USP25: variants seen among roughly 807,000 people sequenced by gnomAD.
The protein encoded by USP25 is ubiquitin specific peptidase 25.
Under a neutral mutation model 158.5 loss-of-function variants are expected in USP25, and 85 were observed. The ratio of observed to expected loss-of-function variants is 0.54; its 90% CI spans 0.45 to 0.64. The LOEUF (loss-of-function observed/expected upper bound fraction) is 0.64. Ranked by LOEUF, USP25 falls within the 30% of genes least tolerant of loss-of-function variation. The pLI, the probability that USP25 is intolerant of heterozygous loss-of-function variation, is 0.00. For synonymous variants in USP25, 464 were observed against 460.4 expected (o/e 1.01, Z -0.10); for missense variants, 1,242 against 1,327.3 (o/e 0.94, Z 1.00).
intron 23 of USP25, 46 bp downstream of exon 23, chr21:15,870,193 TAATTC>T (rs2039826958): frequency 1.4e-6 from 2 of 1,414,922 alleles, no homozygotes; most frequent in East Asian, 4.6e-5. Flanking sequence ...TTTTTGCACT[TAATTC>T]TATTCAGGTG....
At chr21:15,858,322 G>A (rs778911638) in intron 20 of USP25, among the ~76,000 whole-genome samples, 8 of 151,688 alleles carry the variant, frequency 5.3e-5, no homozygotes, top group African/African-American at 9.7e-5. Context: ...AACATGATAC[G>A]CCTTTTCACT....
At chr21:15,817,672 G>T (rs907208400) in intron 9 of USP25, among the ~76,000 whole-genome samples, 1 of 152,142 alleles carries the variant, frequency 6.6e-6, no homozygotes, top group East Asian at 1.9e-4. Context: ...GTCTCACTTG[G>T]TGGCAGACAA....
intron 20 of USP25, among the ~76,000 whole-genome samples, 192 bp from the exon 21 acceptor site, chr21:15,864,076 G>T (rs1368092898): frequency 7.4e-6 from 1 of 134,522 alleles, no homozygotes; most frequent in Non-Finnish European, 1.6e-5. Context: ...TTTGTGGTCA[G>T]TTATTCAGAA....
intron 23 of USP25, among the ~76,000 whole-genome samples, chr21:15,870,654 G>C (rs2039847641): frequency 6.6e-6 from 1 of 152,076 alleles, no homozygotes; most frequent in South Asian, 2.1e-4. Flanking sequence ...TTACATTTTA[G>C]GTTATTTACT....
chr21:15,798,120 C>T (rs2035951252), intron 5 of USP25, among the ~76,000 whole-genome samples: 1 of 151,270 alleles, frequency 6.6e-6, no homozygotes, highest in Non-Finnish European at 1.5e-5. Context: ...TGTTCTTCCT[C>T]TACCACTCCA....
Position 15,746,797 on chromosome 21 carries a change from A to T in USP25, c.46-16094A>T, listed in dbSNP as rs552970218. Among the ~76,000 whole-genome samples the T allele has an allele frequency of 7.9e-5, 12 of 152,262 alleles. No homozygotes were observed. The East Asian group carries it at 1.5e-3, about 20-fold the overall frequency. On this transcript the variant is annotated intron_variant, in intron 1 of 25. Coordinates refer to ENST00000400183, the MANE Select transcript of USP25 (RefSeq NM_001283041.3). ...ATCTGCGACTTTGCGAAATTCACTT[A>T]TTCTAATAAATGTATTTACCACTTT...
At chr21:15,788,589 G>A (rs997689063) in intron 4 of USP25, among the ~76,000 whole-genome samples, 3 of 152,074 alleles carry the variant, frequency 2.0e-5, no homozygotes. Context: ...AAGTTCTTTA[G>A]GAACCAAGAG....
chr21:15,748,569 G>T (rs529124276), intron 1 of USP25, among the ~76,000 whole-genome samples: 1 of 149,034 alleles, frequency 6.7e-6, no homozygotes, highest in Admixed American at 6.8e-5. Context: ...CAAAGCATTG[G>T]CATTACAGGC....
chr21:15,745,473 C>CTTTTTTT (rs11284817), intron 1 of USP25, among the ~76,000 whole-genome samples: 32 of 112,992 alleles, frequency 2.8e-4, no homozygotes, highest in East Asian at 1.0e-3. Context: ...TTTTTCTTTT[C>CTTTTTTT]TTTTTTTTTT....
intron 4 of USP25, among the ~76,000 whole-genome samples, chr21:15,787,224 T>A (rs2042376279): frequency 6.6e-6 from 1 of 152,050 alleles, no homozygotes; most frequent in African/African-American, 2.4e-5. Flanking sequence ...AAAATTCCAG[T>A]GACCCTTCAG....
chr21:15,761,463 C>T (rs2076996025), intron 1 of USP25, among the ~76,000 whole-genome samples: 1 of 152,190 alleles, frequency 6.6e-6, no homozygotes, highest in African/African-American at 2.4e-5. Flanking sequence ...TGATTAGCAA[C>T]TTCCTGATAA....
At chr21:15,859,811 G>A (rs940491788) in intron 20 of USP25, among the ~76,000 whole-genome samples, 22 of 151,324 alleles carry the variant, frequency 1.5e-4, no homozygotes, top group African/African-American at 5.3e-4. Flanking sequence ...TATTTCTACC[G>A]ATGAGTTTTC....
chr21:15,760,373 T>C (rs191075644), intron 1 of USP25, among the ~76,000 whole-genome samples: 3 of 152,336 alleles, frequency 2.0e-5, no homozygotes, highest in Admixed American at 1.3e-4. Context: ...TGTTCCACTT[T>C]AAAGACTTGA....
chr21:15,741,288 C>CT (rs35427982), intron 1 of USP25, among the ~76,000 whole-genome samples: 21,342 of 139,672 alleles, frequency 0.15, 3,204 homozygotes, highest in African/African-American at 0.39. Flanking sequence ...TTTTGATGTA[C>CT]TTTTTTTTTT....
intron 6 of USP25, among the ~76,000 whole-genome samples, chr21:15,802,304 A>G (rs1269727292): frequency 6.6e-6 from 1 of 151,640 alleles, no homozygotes; most frequent in Non-Finnish European, 1.5e-5. Flanking sequence ...GTATTCCTGG[A>G]GCAAATACCT....
At chr21:15,822,512 G>A (rs186729770) in intron 10 of USP25, among the ~76,000 whole-genome samples, 4 of 151,972 alleles carry the variant, frequency 2.6e-5, no homozygotes, top group Admixed American at 2.6e-4. Flanking sequence ...AGATTTCCAT[G>A]AATTAAAATA....
intron 22 of USP25, among the ~76,000 whole-genome samples, chr21:15,869,048 C>A (rs2039774065): frequency 6.6e-6 from 1 of 152,042 alleles, no homozygotes; most frequent in African/African-American, 2.4e-5. Context: ...GAATTTGAGA[C>A]CGGCCTGGCC....
Position 15,749,596 on chromosome 21 carries a change from C to T in USP25, c.46-13295C>T, listed in dbSNP as rs376404884. 3.1e-4 allele frequency among the ~76,000 whole-genome samples: 47 copies of T among 152,230 alleles called. 2 individuals carry two copies. In the South Asian group the frequency reaches 9.5e-3, roughly 31 times the overall value. On this transcript the variant is annotated intron_variant, in intron 1 of 25. Transcript: ENST00000400183. ...TCATTTATGTATTCTTTGTTTTAAGCAGACTGAGAAATAGATAACATACAA... is the reference window on the plus strand; with the variant it reads ...TCATTTATGTATTCTTTGTTTTAAGTAGACTGAGAAATAGATAACATACAA...
intron 9 of USP25, 85 bp downstream of exon 9, chr21:15,811,295 G>A: frequency 8.1e-7 from 1 of 1,235,520 alleles, no homozygotes; most frequent in South Asian, 1.4e-5. Context: ...TTTTTTTAGT[G>A]GACTTTATTT....
Sources: allele counts gnomAD v4.1 joint callset (sites outside exome capture counted in the v4.1 genomes callset), GRCh38; gene constraint gnomAD v4.1.1; transcripts MANE v1.5; gene names NCBI Gene and HGNC (gene_info 2026-07-23, HGNC 2026-07-21).